EIF2B3: variants seen among roughly 807,000 people sequenced by gnomAD.
EIF2B3 encodes the protein translation initiation factor eIF2B subunit gamma.
Under a neutral mutation model 54.1 loss-of-function variants are expected in EIF2B3, and 20 were observed. The observed-to-expected ratio is 0.37, with a 90% CI of 0.26 to 0.54. The LOEUF is 0.54. EIF2B3 is among the 20% of genes least tolerant of loss of function. EIF2B3 has a pLI of 0.86. For synonymous variants in EIF2B3, 153 were observed against 188.1 expected (o/e 0.81, Z 1.52); for missense variants, 448 against 547.8 (o/e 0.82, Z 1.82).
At chr1:44,890,639 A>G (rs1163485515) in intron 6 of EIF2B3, among the ~76,000 whole-genome samples, 5 of 152,072 alleles carry the variant, frequency 3.3e-5, no homozygotes, top group Admixed American at 3.3e-4. Context: ...TCCAAAGCAT[A>G]TATGTTTTTT....
intron 6 of EIF2B3, among the ~76,000 whole-genome samples, chr1:44,897,090 T>A (rs1315199019): frequency 2.0e-5 from 3 of 152,194 alleles, no homozygotes; most frequent in Non-Finnish European, 4.4e-5. Context: ...AGAGGCATCA[T>A]GGGTTACCGT....
At chr1:44,974,092 A>G (rs565947664) in intron 3 of EIF2B3, among the ~76,000 whole-genome samples, 2 of 152,282 alleles carry the variant, frequency 1.3e-5, no homozygotes, top group Admixed American at 6.5e-5. Flanking sequence ...GAGAAAATAC[A>G]GAAAAGTAGA....
At chr1:44,855,089 CAAA>C (rs111960773) in intron 11 of EIF2B3, among the ~76,000 whole-genome samples, 6 of 95,218 alleles carry the variant, frequency 6.3e-5, no homozygotes, top group Admixed American at 1.1e-4. Flanking sequence ...GGCTCAGTCT[CAAA>C]AAAAAAAAAA....
chr1:44,951,954 ATTT>A (rs1171020644), intron 3 of EIF2B3, among the ~76,000 whole-genome samples: 8 of 44,646 alleles, frequency 1.8e-4, no homozygotes, highest in South Asian at 8.7e-4. Context: ...TGCCTGGCTA[ATTT>A]TTTTTTTTTT....
intron 3 of EIF2B3, among the ~76,000 whole-genome samples, chr1:44,948,206 A>G (rs1216356362): frequency 1.3e-5 from 2 of 152,208 alleles, no homozygotes; most frequent in Non-Finnish European, 2.9e-5. Context: ...AAGAAATGTG[A>G]TAATCCTTGG....
intron 6 of EIF2B3, among the ~76,000 whole-genome samples, chr1:44,887,190 TGATCCAGTAATTAGCTGGCTTG>T (rs1461141535): frequency 4.6e-5 from 7 of 152,238 alleles, no homozygotes; most frequent in African/African-American, 1.7e-4. Context: ...GGATTGGACT[TGATCCAGTAATTAGCTGGCTTG>T]GATCCAGCTA....
At chr1:44,920,778 T>C (rs1569728944) in intron 5 of EIF2B3, among the ~76,000 whole-genome samples, 1 of 152,250 alleles carries the variant, frequency 6.6e-6, no homozygotes, top group East Asian at 1.9e-4. Flanking sequence ...ATTTTCTTTA[T>C]CCATTCATCT....
At chr1:44,873,990 A>G (rs567893948) in intron 10 of EIF2B3, among the ~76,000 whole-genome samples, 1 of 150,146 alleles carries the variant, frequency 6.7e-6, no homozygotes, top group Non-Finnish European at 1.5e-5. Flanking sequence ...ATTTTTTTGA[A>G]TATTTGCATT....
chr1:44,955,192 G>A (rs1644208893), intron 3 of EIF2B3, among the ~76,000 whole-genome samples: 1 of 152,028 alleles, frequency 6.6e-6, no homozygotes, highest in Non-Finnish European at 1.5e-5. Flanking sequence ...GTGGAACAGA[G>A]GCCTCAGAAA....
chr1:44,967,147 T>C (rs543763504), intron 3 of EIF2B3, among the ~76,000 whole-genome samples: 1 of 150,608 alleles, frequency 6.6e-6, no homozygotes, highest in Non-Finnish European at 1.5e-5. Context: ...TAAGCTAAAG[T>C]AAGAAAATGA....
chr1:44,878,072 C>T (rs1174695047), intron 8 of EIF2B3, among the ~76,000 whole-genome samples: 1 of 152,186 alleles, frequency 6.6e-6, no homozygotes, highest in East Asian at 1.9e-4. Context: ...TATCCATGAA[C>T]ATCTTTCCAG....
At chr1:44,969,752 A>G (rs180976909) in intron 3 of EIF2B3, among the ~76,000 whole-genome samples, 29 of 152,348 alleles carry the variant, frequency 1.9e-4, no homozygotes, top group East Asian at 7.7e-4. Context: ...AAATTTCCAT[A>G]TAAGAAGTTA....
intron 11 of EIF2B3, among the ~76,000 whole-genome samples, chr1:44,851,232 C>T (rs263985): frequency 0.68 from 103,263 of 151,758 alleles, 37,195 homozygotes; most frequent in East Asian, 0.98. Flanking sequence ...GCCTGGCTAA[C>T]TTTTGTATTT....
intron 2 of EIF2B3, 128 bp from the exon 3 acceptor site, chr1:44,978,588 C>T: frequency 2.2e-6 from 1 of 452,198 alleles, no homozygotes. Context: ...TGTGCCTTTT[C>T]AATATATTTT....
chr1:44,920,281 G>A (rs1643713126), intron 5 of EIF2B3, among the ~76,000 whole-genome samples: 1 of 151,548 alleles, frequency 6.6e-6, no homozygotes, highest in African/African-American at 2.4e-5. Context: ...TACACTGATG[G>A]GTTACATGAG....
At chr1:44,915,508 T>C (rs1643603609) in intron 5 of EIF2B3, among the ~76,000 whole-genome samples, 1 of 151,652 alleles carries the variant, frequency 6.6e-6, no homozygotes, top group African/African-American at 2.4e-5. Context: ...ATTAAAGACA[T>C]GTGCTGCCAT....
At position 44,958,671 on chromosome 1, in the gene EIF2B3, G is replaced by A. The variant is rs1569842222; in HGVS notation, c.295-17006C>T. ...CATATTCTGTGATCAGCATGGCAGT[G>A]GTGAGTTTAGTCGCTCACCAGCTAT... is the stretch of plus-strand genomic sequence containing the variant. On this transcript the variant is annotated intron_variant, in intron 3 of 11. Transcript: ENST00000360403. 2.5e-6 allele frequency: 4 copies of A among 1,596,830 alleles called. No individual in the cohort carries two copies. In the East Asian group the frequency reaches 8.9e-5, roughly 36 times the overall value.
chr1:44,960,456 G>A (rs1644272455), intron 3 of EIF2B3, among the ~76,000 whole-genome samples: 2 of 151,972 alleles, frequency 1.3e-5, no homozygotes, highest in Non-Finnish European at 2.9e-5. Flanking sequence ...TGGCTAACAC[G>A]GTGAAACCCC....
intron 8 of EIF2B3, among the ~76,000 whole-genome samples, chr1:44,876,886 G>A (rs1221645501): frequency 7.3e-6 from 1 of 136,570 alleles, no homozygotes; most frequent in Non-Finnish European, 1.5e-5. Flanking sequence ...CTGTTGATCT[G>A]CGACCTTACC....
Sources: gnomAD v4.1 joint callset for allele counts (sites outside exome capture counted in the v4.1 genomes callset) on GRCh38, gnomAD v4.1.1 for gene constraint, MANE v1.5 for transcripts, NCBI Gene and HGNC (gene_info 2026-07-23, HGNC 2026-07-21) for gene names.